MSH3: variants seen among roughly 807,000 people sequenced by gnomAD.
MSH3 encodes DNA mismatch repair protein Msh3.
Under a neutral mutation model 123.3 loss-of-function variants are expected in MSH3, and 106 were observed. The observed-to-expected ratio is 0.86, with a 90% CI of 0.73 to 1.01. The LOEUF is 1.01. MSH3 is among the 50% of genes least tolerant of loss of function. The pLI is 0.00. For missense variants in MSH3, 1,459 were observed against 1,347.6 expected (o/e 1.08, Z -1.29); for synonymous variants, 515 against 481.4 (o/e 1.07, Z -0.91).
In MSH3 at chr5:80,656,909, G is replaced by C. The variant is rs186191785; in HGVS notation, c.358+378G>C. ...TGAGGCCCACTGCTATTGGTGTTCT[G>C]TATATACTTCCAGATTTTAAAAATT... On this transcript the variant is annotated intron_variant, in intron 2 of 23. Transcript: ENST00000265081. Among the ~76,000 whole-genome samples the C allele has an allele frequency of 9.5e-4, 145 of 152,216 alleles. 1 individual carries two copies. The highest frequency in any genetic ancestry group is 3.5e-3 in the African/African-American group (144 of 41,514).
At chr5:80,871,346 A>G (rs1046163360) in intron 22 of MSH3, among the ~76,000 whole-genome samples, 1 of 152,190 alleles carries the variant, frequency 6.6e-6, no homozygotes, top group Non-Finnish European at 1.5e-5. Context: ...TAGAACAACA[A>G]ACATTTATTA....
At chr5:80,749,014 T>C (rs1267929011) in intron 12 of MSH3, among the ~76,000 whole-genome samples, 4 of 152,232 alleles carry the variant, frequency 2.6e-5, no homozygotes, top group African/African-American at 9.6e-5. Flanking sequence ...TTCTTCTACC[T>C]GTACTTTACA....
At chr5:80,658,019 A>C (rs1210699943) in intron 2 of MSH3, among the ~76,000 whole-genome samples, 1 of 136,610 alleles carries the variant, frequency 7.3e-6, no homozygotes, top group Admixed American at 7.4e-5. Flanking sequence ...TATTTTTCCT[A>C]AGAATGCTTT....
intron 13 of MSH3, among the ~76,000 whole-genome samples, chr5:80,764,131 T>C (rs778956720): frequency 7.9e-5 from 12 of 152,242 alleles, no homozygotes; most frequent in Non-Finnish European, 1.8e-4. Flanking sequence ...TTCTTTATTA[T>C]TAGATTACTC....
intron 20 of MSH3, among the ~76,000 whole-genome samples, chr5:80,840,459 G>A (rs1313897022): frequency 8.6e-5 from 13 of 151,684 alleles, no homozygotes; most frequent in Admixed American, 7.9e-4. Context: ...TGTTGCCCAG[G>A]CTGGAGGGCA....
chr5:80,673,069 A>G (rs544674944), intron 6 of MSH3, among the ~76,000 whole-genome samples: 5 of 152,306 alleles, frequency 3.3e-5, no homozygotes, highest in African/African-American at 9.6e-5. Context: ...AGTAGAAGGC[A>G]AGTTCATCAT....
intron 20 of MSH3, among the ~76,000 whole-genome samples, chr5:80,829,745 T>C (rs981233081): frequency 6.6e-6 from 1 of 152,236 alleles, no homozygotes; most frequent in Non-Finnish European, 1.5e-5. Context: ...GCTGGCCTTA[T>C]AGAATGTGTC....
chr5:80,671,436 A>G (rs1362454262), intron 4 of MSH3, among the ~76,000 whole-genome samples: 1 of 152,188 alleles, frequency 6.6e-6, no homozygotes, highest in Non-Finnish European at 1.5e-5. Context: ...AGTCAGATGC[A>G]TTATGCAATG....
intron 19 of MSH3, among the ~76,000 whole-genome samples, chr5:80,809,268 A>G (rs1744964125): frequency 6.6e-6 from 1 of 152,180 alleles, no homozygotes; most frequent in Non-Finnish European, 1.5e-5. Context: ...GCTAAGCCAG[A>G]AATGGAACCT....
At chr5:80,862,510 C>G (rs988896278) in intron 21 of MSH3, among the ~76,000 whole-genome samples, 1 of 152,154 alleles carries the variant, frequency 6.6e-6, no homozygotes, top group African/African-American at 2.4e-5. Flanking sequence ...GTAATCCCAG[C>G]ACTTTGGGAG....
chr5:80,741,488 A>G lies in MSH3; in HGVS notation c.1593A>G (p.Lys531=), dbSNP rs1743612626. 6.2e-7 allele frequency: 1 copy of G among 1,603,162 alleles called. No homozygotes were observed. Among genetic ancestry groups the G allele is most frequent in the Non-Finnish European group, 8.5e-7 (1 of 1,170,042 alleles). The change falls in exon 11 of 24, where the codon AAA becomes AAG. Residue 531 remains lysine, a synonymous_variant. Coordinates refer to ENST00000265081, the MANE Select transcript of MSH3 (RefSeq NM_002439.5). The stretch of plus-strand genomic sequence containing the variant: ...GGAATTTTAAACAGCTATCAAGTAA[A>G]ATGGAATTTATGACAATTAATGGAA... The part of the protein sequence containing the change: ...KPENFKQLSS[K]MEFMTINGTT...
chr5:80,733,609 A>G (rs185937298), intron 10 of MSH3, among the ~76,000 whole-genome samples: 16 of 151,964 alleles, frequency 1.1e-4, no homozygotes, highest in Non-Finnish European at 7.4e-5. Context: ...ATATATATAT[A>G]TATAAACTCT....
chr5:80,773,582 T>C (rs2112888568), intron 15 of MSH3, among the ~76,000 whole-genome samples: 1 of 152,302 alleles, frequency 6.6e-6, no homozygotes, highest in South Asian at 2.1e-4. Flanking sequence ...AGAACCATGT[T>C]GATACTGTTA....
At chr5:80,851,316 C>T (rs140915620) in intron 20 of MSH3, among the ~76,000 whole-genome samples, 3 of 152,116 alleles carry the variant, frequency 2.0e-5, no homozygotes, top group Non-Finnish European at 4.4e-5. Flanking sequence ...TAAAAATACC[C>T]TTTCCCCGCA....
chr5:80,756,260 A>C (rs1743923978), intron 12 of MSH3, among the ~76,000 whole-genome samples: 1 of 152,212 alleles, frequency 6.6e-6, no homozygotes, highest in Non-Finnish European at 1.5e-5. Context: ...AAAGAAAACA[A>C]CAACAACAAA....
At chr5:80,739,921 G>A (rs1580596239) in intron 10 of MSH3, among the ~76,000 whole-genome samples, 1 of 152,162 alleles carries the variant, frequency 6.6e-6, no homozygotes, top group Admixed American at 6.5e-5. Flanking sequence ...TTCTTAACTC[G>A]GGAAACTGGA....
intron 13 of MSH3, among the ~76,000 whole-genome samples, chr5:80,763,155 T>G (rs1200958170): frequency 6.6e-6 from 1 of 152,208 alleles, no homozygotes; most frequent in African/African-American, 2.4e-5. Flanking sequence ...CCAATATGCC[T>G]AAATTTTAGT....
chr5:80,775,663 C>G, intron 15 of MSH3, 31 bp from the exon 16 acceptor site: 2 of 1,255,044 alleles, frequency 1.6e-6, no homozygotes, highest in East Asian at 2.4e-5. Context: ...GGTTACTTAT[C>G]TAAATCTCTG....
chr5:80,703,630 G>A (rs1012497072), intron 8 of MSH3, among the ~76,000 whole-genome samples: 1 of 152,020 alleles, frequency 6.6e-6, no homozygotes, highest in African/African-American at 2.4e-5. Context: ...AAGTCTGCTT[G>A]AAGAAGGAGA....
Sources: gnomAD v4.1 joint callset for allele counts (sites outside exome capture counted in the v4.1 genomes callset) on GRCh38, gnomAD v4.1.1 for gene constraint, MANE v1.5 for transcripts, NCBI Gene and HGNC (gene_info 2026-07-23, HGNC 2026-07-21) for gene names.